MTA3: variants seen among roughly 807,000 people sequenced by gnomAD.
The protein encoded by MTA3 is metastasis associated 1 family member 3, also known as metastasis-associated protein MTA3.
A neutral mutation model predicts 83.5 loss-of-function variants in MTA3; 34 were observed. The observed-to-expected ratio is 0.41, with a 90% CI of 0.31 to 0.54. MTA3 has a LOEUF of 0.54. Among genes scored for constraint, MTA3 ranks in the 20% least tolerant of loss-of-function variants. MTA3 has a pLI of 0.33. For missense variants in MTA3, 761 were observed against 726.4 expected (o/e 1.05, Z -0.55); for synonymous variants, 303 against 252.7 (o/e 1.20, Z -1.89).
chr2:42,713,741 C>T (rs1215553847), intron 14 of MTA3, among the ~76,000 whole-genome samples: 1 of 152,158 alleles, frequency 6.6e-6, no homozygotes, highest in East Asian at 1.9e-4. Flanking sequence ...ACATACCGTG[C>T]CACTGTATTG....
rs573876669 is a variant in MTA3 at position 42,672,343 on chromosome 2, T to TAA, written c.703-10044_703-10043dup. On this transcript the variant is annotated intron_variant, in intron 8 of 16. Coordinates refer to ENST00000405094, the MANE Select transcript of MTA3 (RefSeq NM_001330442.2). ...CAACATAGTAAGTCCTCCTCTCTAT[T>TAA]AAAAAAAAAAAAAAATAGGCCAGGT... is the stretch of plus-strand genomic sequence containing the variant. 3.8e-3 allele frequency among the ~76,000 whole-genome samples: 531 copies of TAA among 140,262 alleles called. 2 individuals carry two copies. Among genetic ancestry groups the TAA allele is most frequent in the Non-Finnish European group, 5.8e-3 (375 of 64,498 alleles). 92.0% of individuals were successfully genotyped at this position (140,262 alleles called of 152,430 possible).
intron 3 of MTA3, 50 bp from the exon 4 acceptor site, chr2:42,609,408 A>G: frequency 6.4e-7 from 1 of 1,558,668 alleles, no homozygotes; most frequent in South Asian, 1.1e-5. Context: ...CAATATCCAA[A>G]CAGATAATGT....
At chr2:42,617,784 T>TAAA (rs36088935) in intron 4 of MTA3, among the ~76,000 whole-genome samples, 1 of 146,162 alleles carries the variant, frequency 6.8e-6, no homozygotes, top group South Asian at 2.2e-4. Context: ...CTCTAAAAAA[T>TAAA]AAAAAAAAAA....
At chr2:42,713,964 G>A (rs375624133) in intron 14 of MTA3, among the ~76,000 whole-genome samples, 4 of 152,326 alleles carry the variant, frequency 2.6e-5, no homozygotes, top group African/African-American at 9.6e-5. Context: ...GGGCCAAGGA[G>A]CATACATTTT....
Position 42,672,950 on chromosome 2 carries a change from G to A in MTA3, c.703-9451G>A, listed in dbSNP as rs1469685469. ...CTACCTCTGCCTCCTGGGTTCACGC[G>A]ATTCTCCTGCCTCAGCCTCCCAAGT... On this transcript the variant is annotated intron_variant, in intron 8 of 16. Coordinates refer to ENST00000405094, the MANE Select transcript of MTA3 (RefSeq NM_001330442.2). Among the ~76,000 whole-genome samples, 11 of 149,772 alleles carry A rather than the reference G, an allele frequency of 7.3e-5. No homozygotes were observed. The Admixed American group carries it at 7.4e-4, about 10-fold the overall frequency.
chr2:42,684,291 T>G (rs559837523), intron 9 of MTA3, among the ~76,000 whole-genome samples: 25 of 152,368 alleles, frequency 1.6e-4, no homozygotes, highest in Admixed American at 1.6e-3. Flanking sequence ...GTATTTGATG[T>G]GAGCCAATAG....
chr2:42,497,412 C>A (rs1674186701), intron 2 of MTA3, among the ~76,000 whole-genome samples: 2 of 151,756 alleles, frequency 1.3e-5, no homozygotes, highest in African/African-American at 4.8e-5. Flanking sequence ...TGGTGAAACC[C>A]CGTCCCTACT....
chr2:42,607,071 G>A lies in MTA3; in HGVS notation c.191-2387G>A, dbSNP rs1003304766. Among the ~76,000 whole-genome samples the A allele has an allele frequency of 3.2e-5, 3 of 94,886 alleles. No homozygotes were observed. The South Asian group carries it at 1.2e-3, about 38-fold the overall frequency. The allele number at this position is 94,886 out of a possible 152,430, so 62.2% of individuals were successfully genotyped here. The stretch of plus-strand genomic sequence containing the variant: ...GAGGGAGACCGGAGGTAGAGGTAGG[G>A]GTAGGGGTAGGGGTAGGGGTAGGGG... On this transcript the variant is annotated intron_variant, in intron 3 of 16. Transcript: ENST00000405094.
intron 16 of MTA3, among the ~76,000 whole-genome samples, chr2:42,738,114 T>G (rs989770052): frequency 6.6e-6 from 1 of 152,008 alleles, no homozygotes; most frequent in African/African-American, 2.4e-5. Flanking sequence ...ATACAAAAAT[T>G]AGCTGATCAT....
chr2:42,742,287 C>T (rs891783607), intron 16 of MTA3, among the ~76,000 whole-genome samples: 1 of 152,006 alleles, frequency 6.6e-6, no homozygotes. Flanking sequence ...TACAGGCATC[C>T]GTCACCACAC....
Position 42,611,850 on chromosome 2 carries a change from T to C in MTA3, c.317+2266T>C, listed in dbSNP as rs570093648. Among the ~76,000 whole-genome samples the C allele has an allele frequency of 3.3e-5, 5 of 152,136 alleles. No individual in the cohort carries two copies. In the East Asian group the frequency reaches 9.7e-4, roughly 29 times the overall value. On this transcript the variant is annotated intron_variant, in intron 4 of 16. Coordinates refer to ENST00000405094, the MANE Select transcript of MTA3 (RefSeq NM_001330442.2). ...TAAATAGGTGAGATAGATAAATAGA[T>C]AGATAGAGAGATATGGAGCTGGCTG...
At chr2:42,553,226 C>A (rs570070327) in intron 2 of MTA3, among the ~76,000 whole-genome samples, 2 of 151,736 alleles carry the variant, frequency 1.3e-5, no homozygotes, top group Non-Finnish European at 2.9e-5. Context: ...GAGATCGAGA[C>A]AATCCTGGCT....
intron 16 of MTA3, among the ~76,000 whole-genome samples, chr2:42,727,383 C>CATTGTGGT (rs1240351543): frequency 6.6e-6 from 1 of 152,210 alleles, no homozygotes; most frequent in African/African-American, 2.4e-5. Flanking sequence ...CGTATGCTGT[C>CATTGTGGT]ATTGTGGTTT....
upstream of MTA3, among the ~76,000 whole-genome samples, chr2:42,567,353 C>G (rs1283407936): frequency 6.6e-6 from 1 of 152,118 alleles, no homozygotes; most frequent in Non-Finnish European, 1.5e-5. Flanking sequence ...CAGCTATGCA[C>G]AGTTTTTTCA....
chr2:42,615,502 TGCGCCAGC>T (rs928859096), intron 4 of MTA3, among the ~76,000 whole-genome samples: 3 of 151,284 alleles, frequency 2.0e-5, no homozygotes, highest in African/African-American at 7.3e-5. Context: ...ACTACAGGCA[TGCGCCAGC>T]GTGCTCAGCT....
At chr2:42,530,264 C>T (rs946872208) in intron 2 of MTA3, among the ~76,000 whole-genome samples, 4 of 150,286 alleles carry the variant, frequency 2.7e-5, no homozygotes, top group African/African-American at 9.8e-5. Flanking sequence ...CCAAGACAGG[C>T]GGATCATGAG....
In MTA3 at chr2:42,497,291, A is replaced by G. The variant is rs561525986; in HGVS notation, c.-141+2037A>G. 3.3e-5 allele frequency among the ~76,000 whole-genome samples: 5 copies of G among 152,174 alleles called. No homozygotes were observed. The South Asian group carries it at 1.0e-3, about 32-fold the overall frequency. ...TAGATAATTAGAAATTGTCCATACA[A>G]TAAAGTCCAAATTGGCCAGGCGCGG... On this transcript the variant is annotated intron_variant, in intron 2 of 17. Coordinates refer to the MTA3 transcript ENST00000405592.
At chr2:42,725,546 C>T (rs1279480489) in intron 16 of MTA3, among the ~76,000 whole-genome samples, 1 of 152,212 alleles carries the variant, frequency 6.6e-6, no homozygotes, top group African/African-American at 2.4e-5. Flanking sequence ...GCACAGGAAA[C>T]AGCCACCATT....
chr2:42,691,835 G>C (rs982442385), intron 9 of MTA3, among the ~76,000 whole-genome samples: 8 of 152,108 alleles, frequency 5.3e-5, no homozygotes, highest in African/African-American at 1.9e-4. Flanking sequence ...TAAATATGTC[G>C]TGCCACTCTC....
Sources: gnomAD v4.1 joint callset for allele counts (sites outside exome capture counted in the v4.1 genomes callset) on GRCh38, gnomAD v4.1.1 for gene constraint, MANE v1.5 for transcripts, NCBI Gene and HGNC (gene_info 2026-07-23, HGNC 2026-07-21) for gene names.